The following OLFM3 variants were observed in gnomAD, a reference collection of about 807,000 sequenced individuals.
OLFM3 encodes the protein olfactomedin 3, also known as noelin-3.
Under a neutral mutation model 48.6 loss-of-function variants are expected in OLFM3, and 20 were observed. The observed-to-expected ratio is 0.41, with a 90% CI of 0.29 to 0.60. The LOEUF (loss-of-function observed/expected upper bound fraction) is 0.60. Ranked by LOEUF, OLFM3 falls within the 20% of genes least tolerant of loss-of-function variation. OLFM3 has a pLI of 0.28. For missense variants in OLFM3, 437 were observed against 544.3 expected, an observed-to-expected ratio of 0.80 and a Z score of 1.96; for synonymous variants, 222 against 198.1, an observed-to-expected ratio of 1.12 and a Z score of -1.01.
At chr1:101,848,288 G>C (rs1031236620) in intron 1 of OLFM3, among the ~76,000 whole-genome samples, 1 of 152,164 alleles carries the variant, frequency 6.6e-6, no homozygotes, top group African/African-American at 2.4e-5. Flanking sequence ...TTTCTTAGGA[G>C]AATTCTGGAC....
At chr1:101,889,202 C>T (rs77120978) in intron 1 of OLFM3, among the ~76,000 whole-genome samples, 82,657 of 151,924 alleles carry the variant, frequency 0.54, 22,726 homozygotes, top group East Asian at 0.59. Context: ...CACATGCACA[C>T]GTATGTTTAT....
chr1:101,873,999 A>T (rs765974041), intron 1 of OLFM3, among the ~76,000 whole-genome samples: 1 of 151,938 alleles, frequency 6.6e-6, no homozygotes, highest in East Asian at 1.9e-4. Context: ...TATGGCTTCA[A>T]CATTTAGTTA....
intron 1 of OLFM3, among the ~76,000 whole-genome samples, chr1:101,879,957 G>A (rs1382926785): frequency 6.6e-6 from 1 of 151,586 alleles, no homozygotes; most frequent in Non-Finnish European, 1.5e-5. Flanking sequence ...CTAAAATCTG[G>A]GATTATAAAA....
chr1:101,929,615 T>G (rs2101046888), intron 1 of OLFM3, among the ~76,000 whole-genome samples: 1 of 152,218 alleles, frequency 6.6e-6, no homozygotes. Flanking sequence ...TAAAAATAAC[T>G]TAGGAAAGCA....
intron 1 of OLFM3, among the ~76,000 whole-genome samples, chr1:101,853,986 T>G (rs1056816655): frequency 1.3e-4 from 20 of 152,068 alleles, no homozygotes; most frequent in Non-Finnish European, 2.2e-4. Context: ...GGAAGCAATC[T>G]TTTCTTCTTC....
chr1:101,812,794 T>C, intron 4 of OLFM3: 1 of 989,462 alleles, frequency 1.0e-6, no homozygotes, highest in Non-Finnish European at 1.2e-6. Context: ...GGTAAAGTGG[T>C]CTTTTGGCTA....
At chr1:101,887,435 A>G (rs1193520258) in intron 1 of OLFM3, among the ~76,000 whole-genome samples, 1 of 152,022 alleles carries the variant, frequency 6.6e-6, no homozygotes, top group African/African-American at 2.4e-5. Context: ...AAATGAACAT[A>G]TAACATATTT....
chr1:101,820,254 A>G (rs1570517412), intron 4 of OLFM3, among the ~76,000 whole-genome samples: 1 of 152,154 alleles, frequency 6.6e-6, no homozygotes, highest in African/African-American at 2.4e-5. Flanking sequence ...GCTGTGTAAT[A>G]GAACCTAATG....
chr1:101,899,572 C>G (rs1281920390), intron 1 of OLFM3, among the ~76,000 whole-genome samples: 1 of 152,182 alleles, frequency 6.6e-6, no homozygotes, highest in Admixed American at 6.5e-5. Context: ...AATTGCCTAC[C>G]ATAGCAATTA....
intron 1 of OLFM3, among the ~76,000 whole-genome samples, chr1:101,868,740 G>C (rs558611406): frequency 1.3e-5 from 2 of 152,334 alleles, no homozygotes; most frequent in Admixed American, 1.3e-4. Flanking sequence ...AGGCCTAAGA[G>C]AGAAAGGTTT....
intron 1 of OLFM3, among the ~76,000 whole-genome samples, chr1:101,914,030 T>A (rs1041253444): frequency 5.3e-5 from 8 of 152,228 alleles, no homozygotes; most frequent in Non-Finnish European, 8.8e-5. Context: ...ACTAAATATT[T>A]ACAAGGAGAC....
chr1:101,928,226 G>A (rs147506975), intron 1 of OLFM3, among the ~76,000 whole-genome samples: 6 of 152,114 alleles, frequency 3.9e-5, no homozygotes, highest in African/African-American at 1.2e-4. Flanking sequence ...GACCACTGCC[G>A]TGGGAATACA....
intron 1 of OLFM3, among the ~76,000 whole-genome samples, chr1:101,890,153 AT>A (rs1657933990): frequency 6.6e-6 from 1 of 152,068 alleles, no homozygotes; most frequent in South Asian, 2.1e-4. Flanking sequence ...GGAAAATGAT[AT>A]TGGAAAATAG....
chr1:101,868,400 AC>A (rs1656940565), intron 1 of OLFM3, among the ~76,000 whole-genome samples: 1 of 152,162 alleles, frequency 6.6e-6, no homozygotes, highest in Non-Finnish European at 1.5e-5. Context: ...CTTGTTAGAT[AC>A]TGTAGTAAAA....
intron 1 of OLFM3, among the ~76,000 whole-genome samples, chr1:101,975,776 A>C (rs1660937005): frequency 6.6e-6 from 1 of 152,172 alleles, no homozygotes; most frequent in African/African-American, 2.4e-5. Context: ...ATGTTAGCCC[A>C]TTGCACAGAG....
intron 1 of OLFM3, among the ~76,000 whole-genome samples, chr1:101,947,552 TG>T (rs1659999263): frequency 6.6e-6 from 1 of 152,176 alleles, no homozygotes; most frequent in Non-Finnish European, 1.5e-5. Flanking sequence ...GAGGATTGGT[TG>T]GGGCTGGATT....
At position 101,825,254 on chromosome 1, in the gene OLFM3, A is replaced by G. The variant is rs200819245; in HGVS notation, c.373-9T>C. 2.5e-6 allele frequency: 4 copies of G among 1,609,948 alleles called. No individual in the cohort carries two copies. The highest frequency in any genetic ancestry group is 2.2e-5 in the East Asian group (1 of 44,832). On this transcript the variant is annotated splice_polypyrimidine_tract_variant and intron_variant, in intron 3 of 5. Coordinates refer to ENST00000370103, the MANE Select transcript of OLFM3 (RefSeq NM_058170.4). ...ATTTTCTCTTTCAACTCCTGTGAAA[A>G]GCAGCCTATTGTTCCTGAGAGTCAT...
At chr1:101,979,751 C>T (rs984322723) in intron 1 of OLFM3, among the ~76,000 whole-genome samples, 1 of 152,178 alleles carries the variant, frequency 6.6e-6, no homozygotes, top group Non-Finnish European at 1.5e-5. Context: ...TGGGGCACTA[C>T]CTTGTGGAGC....
chr1:101,959,871 G>A (rs542993090), intron 1 of OLFM3, among the ~76,000 whole-genome samples: 5 of 152,030 alleles, frequency 3.3e-5, no homozygotes, highest in African/African-American at 1.2e-4. Context: ...AATTTCCCAC[G>A]AGAAATATGG....
Sources: allele counts gnomAD v4.1 joint callset (sites outside exome capture counted in the v4.1 genomes callset), GRCh38; gene constraint gnomAD v4.1.1; transcripts MANE v1.5; gene names NCBI Gene and HGNC (gene_info 2026-07-23, HGNC 2026-07-21).